Variants in PHACTR1 observed in about 807,000 individuals in gnomAD.
PHACTR1 encodes the protein RPEL repeat containing 1.
A neutral mutation model predicts 69.2 loss-of-function variants in PHACTR1; 16 were observed. The observed-to-expected ratio is 0.23, with a 90% CI of 0.16 to 0.35. PHACTR1 has a LOEUF of 0.35. Ranked by LOEUF, PHACTR1 falls within the 10% of genes least tolerant of loss-of-function variation. The pLI is 1.00. For missense variants in PHACTR1, 510 were observed against 734.7 expected (o/e 0.69, Z 3.54); for synonymous variants, 312 against 284.5 (o/e 1.10, Z -0.97).
chr6:12,939,446 C>T (rs895585051), intron 4 of PHACTR1, among the ~76,000 whole-genome samples: 5 of 152,082 alleles, frequency 3.3e-5, no homozygotes, highest in Middle Eastern at 3.2e-3. Context: ...CTGGTTTGTA[C>T]TCTGTCTCCC....
At chr6:12,855,667 G>C (rs752949228) in intron 4 of PHACTR1, among the ~76,000 whole-genome samples, 1 of 152,116 alleles carries the variant, frequency 6.6e-6, no homozygotes, top group African/African-American at 2.4e-5. Context: ...AAGGGAGGTA[G>C]TGGCTGAAAA....
intron 4 of PHACTR1, among the ~76,000 whole-genome samples, chr6:12,956,767 CAT>C (rs1483196589): frequency 3.3e-4 from 50 of 152,106 alleles, no homozygotes; most frequent in Non-Finnish European, 1.0e-4. Flanking sequence ...TTTATTTGCA[CAT>C]GTTTTATAAA....
At chr6:13,043,573 T>A (rs1171289355) in intron 4 of PHACTR1, among the ~76,000 whole-genome samples, 1 of 152,210 alleles carries the variant, frequency 6.6e-6, no homozygotes. Context: ...ACATGCCCAT[T>A]TGGGCATATT....
intron 4 of PHACTR1, among the ~76,000 whole-genome samples, chr6:12,988,657 G>A (rs1173906214): frequency 6.6e-6 from 1 of 152,192 alleles, no homozygotes; most frequent in Non-Finnish European, 1.5e-5. Context: ...ACCTGAAGCT[G>A]AGAGGTTAAG....
intron 4 of PHACTR1, among the ~76,000 whole-genome samples, chr6:12,870,915 G>A (rs72835702): frequency 0.017 from 2,526 of 152,274 alleles, 47 homozygotes; most frequent in Admixed American, 0.021. Context: ...ATATCAGTAC[G>A]TGGGGAAAGT....
At chr6:12,967,817 G>A (rs1228900719) in intron 4 of PHACTR1, among the ~76,000 whole-genome samples, 2 of 152,222 alleles carry the variant, frequency 1.3e-5, no homozygotes, top group African/African-American at 2.4e-5. Context: ...CACTCCATAT[G>A]TTTCTGATTC....
intron 4 of PHACTR1, chr6:12,957,831 C>G: frequency 1.0e-6 from 1 of 985,510 alleles, no homozygotes; most frequent in Non-Finnish European, 1.2e-6. Flanking sequence ...GGTCAGCGGC[C>G]AGGGAATTGG....
At chr6:13,116,854 G>A (rs997923940) in intron 5 of PHACTR1, among the ~76,000 whole-genome samples, 3 of 152,050 alleles carry the variant, frequency 2.0e-5, no homozygotes, top group South Asian at 2.1e-4. Context: ...TATTATCCTC[G>A]TCAGATGAGG....
intron 5 of PHACTR1, among the ~76,000 whole-genome samples, chr6:13,121,961 G>GTGTGTATATGCA (rs1818808473): frequency 6.6e-6 from 1 of 151,968 alleles, no homozygotes; most frequent in Non-Finnish European, 1.5e-5. Flanking sequence ...GTGTATATGC[G>GTGTGTATATGCA]TATATAAGTA....
chr6:13,169,547 C>T (rs57245212), intron 6 of PHACTR1, among the ~76,000 whole-genome samples: 1,780 of 152,190 alleles, frequency 0.012, 34 homozygotes, highest in African/African-American at 0.041. Flanking sequence ...GAAGGACCCT[C>T]AAAAACTAAG....
intron 4 of PHACTR1, among the ~76,000 whole-genome samples, chr6:13,041,539 A>G (rs1042893723): frequency 6.6e-6 from 1 of 152,190 alleles, no homozygotes; most frequent in Admixed American, 6.5e-5. Context: ...GGGTAATGTC[A>G]TCAGAGAGAG....
At chr6:12,804,676 G>A (rs1190104078) in intron 4 of PHACTR1, among the ~76,000 whole-genome samples, 1 of 152,146 alleles carries the variant, frequency 6.6e-6, no homozygotes, top group Non-Finnish European at 1.5e-5. Flanking sequence ...ACAAAAATTA[G>A]CCAGATGTGG....
intron 4 of PHACTR1, among the ~76,000 whole-genome samples, chr6:12,870,356 G>A (rs1781903959): frequency 6.6e-6 from 1 of 152,056 alleles, no homozygotes; most frequent in Non-Finnish European, 1.5e-5. Context: ...CTATTGCTAT[G>A]TAATCTAATT....
intron 4 of PHACTR1, among the ~76,000 whole-genome samples, chr6:12,816,300 G>T (rs948561855): frequency 6.6e-6 from 1 of 152,206 alleles, no homozygotes; most frequent in African/African-American, 2.4e-5. Context: ...TTCAAAGAAT[G>T]ATGTCATCTC....
chr6:12,766,155 T>G (rs1768584920), intron 4 of PHACTR1, among the ~76,000 whole-genome samples: 1 of 152,152 alleles, frequency 6.6e-6, no homozygotes, highest in Non-Finnish European at 1.5e-5. Context: ...AAAATAAACC[T>G]TACTGAAATG....
intron 8 of PHACTR1, among the ~76,000 whole-genome samples, chr6:13,227,330 A>G (rs1413225645): frequency 6.6e-6 from 1 of 152,138 alleles, no homozygotes; most frequent in African/African-American, 2.4e-5. Flanking sequence ...AGCTTTAGAA[A>G]ACTAGAACCT....
intron 7 of PHACTR1, among the ~76,000 whole-genome samples, chr6:13,197,360 A>AC (rs1561978865): frequency 6.6e-6 from 1 of 152,092 alleles, no homozygotes. Flanking sequence ...TCCCCTCAGC[A>AC]CCTTGCATGG....
chr6:13,019,983 G>C (rs182871882), intron 4 of PHACTR1, among the ~76,000 whole-genome samples: 9 of 152,348 alleles, frequency 5.9e-5, no homozygotes, highest in African/African-American at 2.2e-4. Context: ...ATGTGGTACT[G>C]CTGGTGGACA....
chr6:12,737,598 CT>C (rs200648359), intron 3 of PHACTR1, among the ~76,000 whole-genome samples: 237 of 142,770 alleles, frequency 1.7e-3, no homozygotes, highest in African/African-American at 2.5e-3. Context: ...TTCTTTCTTT[CT>C]TTTTTTTTTT....
Sources: gnomAD v4.1 joint callset for allele counts (sites outside exome capture counted in the v4.1 genomes callset) on GRCh38, gnomAD v4.1.1 for gene constraint, MANE v1.5 for transcripts, NCBI Gene and HGNC (gene_info 2026-07-23, HGNC 2026-07-21) for gene names.